CLVS1: variants seen among roughly 807,000 people sequenced by gnomAD.
The protein encoded by CLVS1 is clavesin-1.
CLVS1 carries 10 observed loss-of-function variants against 33.1 expected under a neutral mutation model. That is an observed-to-expected ratio of 0.30 (90% CI 0.19 to 0.51). The LOEUF is 0.51. Among genes scored for constraint, CLVS1 ranks in the 20% least tolerant of loss-of-function variants. The pLI is 0.97. For missense variants in CLVS1, 343 were observed against 433.4 expected, an observed-to-expected ratio of 0.79 and a Z score of 1.85; for synonymous variants, 163 against 166.1, an observed-to-expected ratio of 0.98 and a Z score of 0.14.
At position 61,197,868 on chromosome 8, in the gene CLVS1, A is replaced by C. The variant is rs181927053; in HGVS notation, c.-152+66008A>C. Among the ~76,000 whole-genome samples the C allele has an allele frequency of 3.7e-4, 57 of 152,298 alleles. No homozygotes were observed. The East Asian group carries it at 8.3e-3, about 22-fold the overall frequency. ...ACTGTGAAAGGGCAGCACCGAGTTC[A>C]ATGTAAAGTCCTATAGTCACTGTTC... On this transcript the variant is annotated intron_variant, in intron 2 of 2. Transcript: ENST00000522621.
chr8:60,967,575 T>G, the CLVS1 span: 1 of 453,442 alleles, frequency 2.2e-6, no homozygotes, highest in Middle Eastern at 3.3e-4. Context: ...ATACTTACCC[T>G]GTCGTCTGCG....
intron 5 of CLVS1, among the ~76,000 whole-genome samples, chr8:61,488,716 G>A (rs1803963144): frequency 6.6e-6 from 1 of 152,160 alleles, no homozygotes. Context: ...TCATTTTACA[G>A]ATGAAAAACT....
chr8:61,156,214 C>CAAAAAA lies in CLVS1; in HGVS notation c.-152+24369_-152+24374dup, dbSNP rs56094016. 5.3e-5 allele frequency among the ~76,000 whole-genome samples: 3 copies of CAAAAAA among 56,324 alleles called. 1 individual carries two copies. Among genetic ancestry groups the CAAAAAA allele is most frequent in the Non-Finnish European group, 8.8e-5 (3 of 34,042 alleles). The allele number at this position is 56,324 out of a possible 152,430, so 37.0% of individuals were successfully genotyped here. A position where few individuals can be genotyped will look rare whatever the true frequency, so the allele number is the denominator to read the frequency against. ...TGGGCTACAGAGAGAGATTCCATCT[C>CAAAAAA]AAAAAAAAAAAAAAAAAAAAGCCTT... is the stretch of plus-strand genomic sequence containing the variant. On this transcript the variant is annotated intron_variant, in intron 2 of 2. Transcript: ENST00000522621.
chr8:60,988,317 G>C, the CLVS1 span, among the ~76,000 whole-genome samples: 2 of 152,152 alleles, frequency 1.3e-5, 1 homozygote, highest in Non-Finnish European at 2.9e-5. Context: ...CTGAGAAGAG[G>C]AGGTGCAGGT....
chr8:61,460,638 C>T lies in CLVS1; in HGVS notation c.977+2096C>T, dbSNP rs1211335073. Among the ~76,000 whole-genome samples the T allele has an allele frequency of 2.0e-5, 3 of 152,162 alleles. No homozygotes were observed. The East Asian group carries it at 5.8e-4, about 29-fold the overall frequency. ...GAAGGACTCTCTGGGAAAGATTTCCCAGGAATTTTTCAGCTAAAGCTTTGG... is the reference window on the plus strand; with the variant it reads ...GAAGGACTCTCTGGGAAAGATTTCCTAGGAATTTTTCAGCTAAAGCTTTGG... On this transcript the variant is annotated intron_variant, in intron 5 of 5. Transcript: ENST00000325897.
intron 2 of CLVS1, among the ~76,000 whole-genome samples, chr8:61,157,721 T>C (rs1806677994): frequency 6.6e-6 from 1 of 150,934 alleles, no homozygotes; most frequent in South Asian, 2.1e-4. Flanking sequence ...GACAACAAAA[T>C]AAAAAATGGG....
In CLVS1 at chr8:61,453,020, G is replaced by A. The variant is rs539585897; in HGVS notation, c.631-1121G>A. Among the ~76,000 whole-genome samples, 256 of 152,100 alleles carry A rather than the reference G, an allele frequency of 1.7e-3. 1 individual carries two copies. The highest frequency in any genetic ancestry group is 5.5e-3 in the African/African-American group (227 of 41,488). On this transcript the variant is annotated intron_variant, in intron 3 of 5. Transcript: ENST00000325897. ...GAGGCATCTCATATACCCGCAGGGA[G>A]CAGCTCGCTGCTGAACCATTTCCTC...
intron 2 of CLVS1, among the ~76,000 whole-genome samples, chr8:61,242,043 C>CT (rs35860739): frequency 7.3e-5 from 11 of 150,566 alleles, no homozygotes; most frequent in Non-Finnish European, 1.3e-4. Flanking sequence ...GTATGTAATA[C>CT]TTTTTTTTTT....
At chr8:61,418,134 G>T (rs1039927719) in intron 3 of CLVS1, among the ~76,000 whole-genome samples, 1 of 152,156 alleles carries the variant, frequency 6.6e-6, no homozygotes, top group African/African-American at 2.4e-5. Context: ...CTTTCCCCCA[G>T]GTTCAGTTTC....
chr8:61,447,282 G>A (rs1459013657), intron 3 of CLVS1, among the ~76,000 whole-genome samples: 1 of 152,046 alleles, frequency 6.6e-6, no homozygotes, highest in Non-Finnish European at 1.5e-5. Flanking sequence ...TATTTGGAGT[G>A]AGTTTCTTAT....
chr8:61,387,177 C>T (rs1814117663), intron 3 of CLVS1, among the ~76,000 whole-genome samples: 1 of 152,282 alleles, frequency 6.6e-6, no homozygotes, highest in African/African-American at 2.4e-5. Flanking sequence ...CACCTGAGGT[C>T]AGGAGTTCAA....
chr8:61,341,609 C>T (rs1363971733), intron 2 of CLVS1, among the ~76,000 whole-genome samples: 11 of 152,158 alleles, frequency 7.2e-5, no homozygotes, highest in African/African-American at 9.7e-5. Context: ...TGCACACCTC[C>T]GTGAACGGCA....
intron 2 of CLVS1, among the ~76,000 whole-genome samples, chr8:61,222,634 G>C (rs984742254): frequency 1.1e-4 from 16 of 152,180 alleles, no homozygotes; most frequent in African/African-American, 3.9e-4. Context: ...ATGTGGCATG[G>C]AGAAGAATGT....
At chr8:61,248,686 A>G (rs1808868881) in intron 2 of CLVS1, among the ~76,000 whole-genome samples, 1 of 151,956 alleles carries the variant, frequency 6.6e-6, no homozygotes, top group African/African-American at 2.4e-5. Flanking sequence ...TGTAAGTTAT[A>G]TTTTATTCAG....
At chr8:61,068,199 G>GTGTA (rs1554531422) in intron 1 of CLVS1, among the ~76,000 whole-genome samples, 1,227 of 97,790 alleles carry the variant, frequency 0.013, 29 homozygotes, top group African/African-American at 0.045. Flanking sequence ...ATGTGTATAT[G>GTGTA]TATATATATA....
chr8:61,406,344 T>C (rs1170817015), intron 3 of CLVS1, among the ~76,000 whole-genome samples: 1 of 152,172 alleles, frequency 6.6e-6, no homozygotes, highest in Non-Finnish European at 1.5e-5. Flanking sequence ...AGAAAAGAAA[T>C]AGTGATAAAA....
At chr8:61,295,802 TG>T (rs1159906855) in intron 1 of CLVS1, among the ~76,000 whole-genome samples, 16 of 152,136 alleles carry the variant, frequency 1.1e-4, no homozygotes, top group African/African-American at 3.9e-4. Flanking sequence ...TTTCCTCATT[TG>T]AAAAATGAGG....
chr8:61,440,961 G>C (rs1464535703), intron 3 of CLVS1, among the ~76,000 whole-genome samples: 1 of 152,142 alleles, frequency 6.6e-6, no homozygotes, highest in South Asian at 2.1e-4. Context: ...ATAACAAAAA[G>C]AGCATTTGGT....
chr8:61,276,566 T>G (rs1809565183), intron 2 of CLVS1, among the ~76,000 whole-genome samples: 1 of 152,240 alleles, frequency 6.6e-6, no homozygotes, highest in Non-Finnish European at 1.5e-5. Flanking sequence ...TAGGCAGCAC[T>G]TATCAGATTG....
Sources: gnomAD v4.1 joint callset for allele counts (sites outside exome capture counted in the v4.1 genomes callset) on GRCh38, gnomAD v4.1.1 for gene constraint, MANE v1.5 for transcripts, NCBI Gene and HGNC (gene_info 2026-07-23, HGNC 2026-07-21) for gene names.